AGBL1: variants seen among roughly 807,000 people sequenced by gnomAD.
AGBL1 encodes the protein AGBL carboxypeptidase 1.
Under a neutral mutation model 118.9 loss-of-function variants are expected in AGBL1, and 130 were observed. The observed-to-expected ratio is 1.09, with a 90% CI of 0.95 to 1.26. The LOEUF is 1.26. AGBL1 is among the 50% of genes most tolerant of loss of function. AGBL1 has a pLI of 0.00. For synonymous variants in AGBL1, 555 were observed against 478.9 expected, an observed-to-expected ratio of 1.16 and a Z score of -2.08; for missense variants, 1,584 against 1,298.1, an observed-to-expected ratio of 1.22 and a Z score of -3.38.
At chr15:86,607,361 C>G (rs1193375060) in intron 21 of AGBL1, among the ~76,000 whole-genome samples, 1 of 152,180 alleles carries the variant, frequency 6.6e-6, no homozygotes, top group African/African-American at 2.4e-5. Flanking sequence ...TGAACCTCCT[C>G]TTGAATGAAT....
intron 16 of AGBL1, among the ~76,000 whole-genome samples, chr15:86,285,307 C>G (rs976373089): frequency 1.3e-5 from 2 of 152,134 alleles, no homozygotes; most frequent in African/African-American, 4.8e-5. Flanking sequence ...GGAGATGGAT[C>G]CATGAAAAAT....
At chr15:86,261,400 G>A (rs755298036) in intron 9 of AGBL1, among the ~76,000 whole-genome samples, 12 of 152,166 alleles carry the variant, frequency 7.9e-5, no homozygotes, top group Non-Finnish European at 1.6e-4. Context: ...TGTGTATACT[G>A]TACCTGAAAA....
At chr15:86,182,980 C>T (rs2077574816) in intron 5 of AGBL1, among the ~76,000 whole-genome samples, 1 of 152,128 alleles carries the variant, frequency 6.6e-6, no homozygotes, top group African/African-American at 2.4e-5. Context: ...ATGGCTAATT[C>T]TCATGTGTGT....
At chr15:86,650,072 C>G (rs2085345107) in intron 21 of AGBL1, among the ~76,000 whole-genome samples, 1 of 152,192 alleles carries the variant, frequency 6.6e-6, no homozygotes, top group Non-Finnish European at 1.5e-5. Flanking sequence ...AGTCTAGTTT[C>G]TTAATAAGCT....
At chr15:86,796,008 A>G (rs1164128350) in intron 22 of AGBL1, among the ~76,000 whole-genome samples, 1 of 152,014 alleles carries the variant, frequency 6.6e-6, no homozygotes, top group Non-Finnish European at 1.5e-5. Flanking sequence ...TGAGGCACTC[A>G]AGACTATGCA....
At chr15:86,898,343 A>T (rs971355434) in intron 22 of AGBL1, among the ~76,000 whole-genome samples, 4 of 152,120 alleles carry the variant, frequency 2.6e-5, no homozygotes, top group Admixed American at 2.0e-4. Flanking sequence ...TTTGAGTTTT[A>T]CATTTAAGGT....
intron 24 of AGBL1, among the ~76,000 whole-genome samples, chr15:86,997,415 G>A (rs1026896980): frequency 2.6e-5 from 4 of 152,060 alleles, no homozygotes; most frequent in African/African-American, 9.7e-5. Flanking sequence ...TGGCCCTAAG[G>A]AGACTGCTTC....
At chr15:86,748,323 GTTGT>G (rs1410158914) in intron 22 of AGBL1, among the ~76,000 whole-genome samples, 3 of 151,884 alleles carry the variant, frequency 2.0e-5, no homozygotes, top group Admixed American at 6.6e-5. Flanking sequence ...TTTTGATGGG[GTTGT>G]TTGTTTTTTT....
At chr15:86,258,549 T>TC (rs1002804024) in intron 9 of AGBL1, among the ~76,000 whole-genome samples, 3 of 152,168 alleles carry the variant, frequency 2.0e-5, no homozygotes, top group African/African-American at 7.2e-5. Context: ...AAAGGCCTAT[T>TC]CTATAGAAGA....
chr15:86,430,373 T>C (rs957225360), intron 18 of AGBL1, among the ~76,000 whole-genome samples: 1 of 151,560 alleles, frequency 6.6e-6, no homozygotes, highest in African/African-American at 2.4e-5. Flanking sequence ...TAGGCACCTG[T>C]AGTACCAGCT....
chr15:86,894,519 C>G (rs1438764443), intron 22 of AGBL1, among the ~76,000 whole-genome samples: 3 of 152,154 alleles, frequency 2.0e-5, no homozygotes, highest in Non-Finnish European at 4.4e-5. Context: ...TTCTCCTGGA[C>G]ACGGGCTGTG....
chr15:86,678,434 A>AT (rs1001458233), intron 22 of AGBL1, among the ~76,000 whole-genome samples: 1 of 152,066 alleles, frequency 6.6e-6, no homozygotes, highest in African/African-American at 2.4e-5. Flanking sequence ...CATGAGGAGT[A>AT]TTTTTTATAA....
At chr15:86,629,426 A>G (rs1175127854) in intron 21 of AGBL1, among the ~76,000 whole-genome samples, 1 of 152,202 alleles carries the variant, frequency 6.6e-6, no homozygotes, top group Non-Finnish European at 1.5e-5. Flanking sequence ...TCGGTCAGTC[A>G]GTTTGTCTGT....
chr15:86,162,318 G>T (rs933840052), intron 5 of AGBL1, among the ~76,000 whole-genome samples: 1 of 152,134 alleles, frequency 6.6e-6, no homozygotes, highest in Non-Finnish European at 1.5e-5. Context: ...GCCCAGTGTT[G>T]TGTCATGATG....
intron 24 of AGBL1, among the ~76,000 whole-genome samples, chr15:86,992,635 CAGATGGCCATGGGTTCAGGGCTGCTGTT>C (rs1277062383): frequency 6.6e-5 from 10 of 152,058 alleles, no homozygotes; most frequent in African/African-American, 2.4e-4. Context: ...CATAAATGGA[CAGATGGCCATGGGTTCAGGGCTGCTGTT>C]TCCCTGGGTC....
intron 21 of AGBL1, among the ~76,000 whole-genome samples, chr15:86,621,319 G>C (rs1054342015): frequency 1.3e-5 from 2 of 152,184 alleles, no homozygotes; most frequent in African/African-American, 4.8e-5. Flanking sequence ...GCCGTTACCA[G>C]CCCAAGATTT....
At position 86,908,110 on chromosome 15, in the gene AGBL1, C is replaced by A. The variant is rs2080304825; in HGVS notation, c.*816C>A. 1 of 151,796 alleles carries A rather than the reference C, an allele frequency of 6.6e-6. No individual in the cohort carries two copies. The highest frequency in any genetic ancestry group is 1.5e-5 in the Non-Finnish European group (1 of 67,996). 9.4% of individuals were successfully genotyped at this position (151,796 alleles called of 1,614,324 possible). On this transcript the variant is annotated 3_prime_UTR_variant, in exon 23 of 23. Transcript: ENST00000614907. ...CAATTTAGGCAAGTAATTAAATTTTCCTAAACTTCAGTTTTCTTATATATA... is the reference window on the plus strand; with the variant it reads ...CAATTTAGGCAAGTAATTAAATTTTACTAAACTTCAGTTTTCTTATATATA...
At chr15:86,445,213 C>T (rs1179816642) in intron 18 of AGBL1, among the ~76,000 whole-genome samples, 1 of 152,296 alleles carries the variant, frequency 6.6e-6, no homozygotes, top group East Asian at 1.9e-4. Context: ...AGCCCACTGG[C>T]AAGCTGACAG....
intron 1 of AGBL1, among the ~76,000 whole-genome samples, chr15:86,137,271 G>A (rs1386554132): frequency 1.3e-5 from 2 of 152,202 alleles, no homozygotes; most frequent in Non-Finnish European, 2.9e-5. Context: ...GGACAACACT[G>A]TCTCTTAGTT....
Sources: gnomAD v4.1 joint callset for allele counts (sites outside exome capture counted in the v4.1 genomes callset) on GRCh38, gnomAD v4.1.1 for gene constraint, MANE v1.5 for transcripts, NCBI Gene and HGNC (gene_info 2026-07-23, HGNC 2026-07-21) for gene names.